MLLT3: variants seen among roughly 807,000 people sequenced by gnomAD.
MLLT3 encodes MLLT3 super elongation complex subunit.
MLLT3 carries 4 observed loss-of-function variants against 53.2 expected under a neutral mutation model. That is an observed-to-expected ratio of 0.08 (90% CI 0.04 to 0.17). The LOEUF (loss-of-function observed/expected upper bound fraction) is 0.17. MLLT3 is among the 10% of genes least tolerant of loss of function. MLLT3 has a pLI of 1.00. For missense variants in MLLT3, 569 were observed against 684.0 expected (o/e 0.83, Z 1.87); for synonymous variants, 283 against 230.6 (o/e 1.23, Z -2.06).
chr9:20,531,229 A>G (rs1254177237), intron 2 of MLLT3, among the ~76,000 whole-genome samples: 1 of 148,922 alleles, frequency 6.7e-6, no homozygotes, highest in Admixed American at 6.7e-5. Context: ...TCTACCTTCC[A>G]GGTTCAAGTG....
At chr9:20,516,384 TTAATC>T (rs1275605284) in intron 2 of MLLT3, among the ~76,000 whole-genome samples, 1 of 152,194 alleles carries the variant, frequency 6.6e-6, no homozygotes, top group East Asian at 1.9e-4. Flanking sequence ...TAAATTACAG[TTAATC>T]ACAGAGCTAG....
At chr9:20,547,174 G>C (rs1435737207) in intron 2 of MLLT3, among the ~76,000 whole-genome samples, 1 of 151,950 alleles carries the variant, frequency 6.6e-6, no homozygotes. Flanking sequence ...TAAAAATTGA[G>C]ATATGTTATA....
At chr9:20,362,710 T>TTTA (rs1046201893) in intron 7 of MLLT3, 7 of 147,866 alleles carry the variant, frequency 4.7e-5, no homozygotes, top group African/African-American at 1.8e-4. Flanking sequence ...AGACCGCTTT[T>TTTA]TTTTTTTTTT....
At chr9:20,349,571 A>T (rs1185580873) in intron 10 of MLLT3, among the ~76,000 whole-genome samples, 3 of 152,224 alleles carry the variant, frequency 2.0e-5, no homozygotes, top group Non-Finnish European at 4.4e-5. Flanking sequence ...TTAAGAAAAC[A>T]GTTTTCCACG....
intron 3 of MLLT3, among the ~76,000 whole-genome samples, chr9:20,452,971 T>C (rs905775246): frequency 6.6e-6 from 1 of 152,190 alleles, no homozygotes; most frequent in African/African-American, 2.4e-5. Flanking sequence ...TAAGGTATTG[T>C]ACACTTAATA....
At chr9:20,407,266 TGCAAAA>T (rs1308675276) in intron 5 of MLLT3, among the ~76,000 whole-genome samples, 4 of 152,340 alleles carry the variant, frequency 2.6e-5, no homozygotes, top group Non-Finnish European at 1.5e-5. Context: ...TAAATTCTCT[TGCAAAA>T]GCACATGGGA....
intron 2 of MLLT3, among the ~76,000 whole-genome samples, chr9:20,611,520 T>C (rs1008759324): frequency 6.6e-6 from 1 of 152,108 alleles, no homozygotes; most frequent in African/African-American, 2.4e-5. Context: ...AAATCAAATA[T>C]TTTAAAATAG....
At chr9:20,609,917 G>A (rs1170005382) in intron 2 of MLLT3, among the ~76,000 whole-genome samples, 2 of 152,016 alleles carry the variant, frequency 1.3e-5, no homozygotes, top group Non-Finnish European at 2.9e-5. Context: ...TACTTAGGAA[G>A]AGTCAGAAAT....
intron 7 of MLLT3, chr9:20,362,652 G>C (rs1020110051): frequency 2.7e-5 from 4 of 149,386 alleles, no homozygotes; most frequent in Non-Finnish European, 5.9e-5. Flanking sequence ...CTTTTCAGAG[G>C]ACAAAGCATT....
chr9:20,578,153 T>C lies in MLLT3; in HGVS notation c.193+42501A>G, dbSNP rs534033033. Among the ~76,000 whole-genome samples, 6 of 152,220 alleles carry C rather than the reference T, an allele frequency of 3.9e-5. No individual in the cohort carries two copies. The Middle Eastern group carries it at 0.01, about 259-fold the overall frequency. On this transcript the variant is annotated intron_variant, in intron 2 of 10. Coordinates refer to ENST00000380338, the MANE Select transcript of MLLT3 (RefSeq NM_004529.4). ...CATGATAGAAGAGATAGACAACAATTTGGAGGATCTGTACTACAGTCAGCT... is the reference window on the plus strand; with the variant it reads ...CATGATAGAAGAGATAGACAACAATCTGGAGGATCTGTACTACAGTCAGCT...
intron 2 of MLLT3, among the ~76,000 whole-genome samples, chr9:20,530,595 G>A (rs952664173): frequency 1.3e-5 from 2 of 152,146 alleles, no homozygotes; most frequent in African/African-American, 4.8e-5. Context: ...TTGTTCTCTG[G>A]TAAATACATG....
At chr9:20,467,651 G>C (rs990941646) in intron 2 of MLLT3, among the ~76,000 whole-genome samples, 1 of 152,140 alleles carries the variant, frequency 6.6e-6, no homozygotes, top group African/African-American at 2.4e-5. Flanking sequence ...ATAAAAAATC[G>C]CTATTTTGAG....
chr9:20,357,096 A>G (rs1821188959), intron 8 of MLLT3, among the ~76,000 whole-genome samples: 1 of 152,204 alleles, frequency 6.6e-6, no homozygotes, highest in African/African-American at 2.4e-5. Flanking sequence ...AAAGTACAAC[A>G]CCTTGTCTTC....
At position 20,440,976 on chromosome 9, in the gene MLLT3, G is replaced by C. The variant is rs61562320; in HGVS notation, c.420+7147C>G. ...ATACAGTCAGCTAAACTGCTACTTC[G>C]GGGAGGTCTGCAGAAAGAAATGGGG... is the stretch of plus-strand genomic sequence containing the variant. On this transcript the variant is annotated intron_variant, in intron 4 of 10. Coordinates refer to ENST00000380338, the MANE Select transcript of MLLT3 (RefSeq NM_004529.4). Among the ~76,000 whole-genome samples the C allele has an allele frequency of 1.3e-3, 191 of 152,222 alleles. 2 individuals are homozygous for C. The East Asian group carries it at 0.028, about 22-fold the overall frequency.
chr9:20,498,740 AC>A (rs1308681650), intron 2 of MLLT3, among the ~76,000 whole-genome samples: 3 of 152,190 alleles, frequency 2.0e-5, no homozygotes, highest in African/African-American at 7.2e-5. Flanking sequence ...AAGATTGGAC[AC>A]CCCTGATCTG....
chr9:20,363,377 G>C, intron 7 of MLLT3, 99 bp downstream of exon 7: 2 of 1,447,822 alleles, frequency 1.4e-6, no homozygotes, highest in Non-Finnish European at 1.9e-6. Flanking sequence ...ATCTACTGCC[G>C]TTTTTGGTGT....
At chr9:20,509,677 T>C (rs1223246165) in intron 2 of MLLT3, among the ~76,000 whole-genome samples, 1 of 152,250 alleles carries the variant, frequency 6.6e-6, no homozygotes. Flanking sequence ...AAGTCACTGC[T>C]GTAACGTACA....
chr9:20,513,679 T>C (rs1251912695), intron 2 of MLLT3, among the ~76,000 whole-genome samples: 1 of 152,150 alleles, frequency 6.6e-6, no homozygotes, highest in East Asian at 1.9e-4. Context: ...TCAAGTAGGC[T>C]GTATCTGTAT....
intron 2 of MLLT3, among the ~76,000 whole-genome samples, chr9:20,570,787 C>G (rs1819513476): frequency 6.9e-6 from 1 of 144,642 alleles, no homozygotes; most frequent in African/African-American, 2.9e-5. Flanking sequence ...AAATAAGAAA[C>G]CTATAGGTCT....
Sources: allele counts gnomAD v4.1 joint callset (sites outside exome capture counted in the v4.1 genomes callset), GRCh38; gene constraint gnomAD v4.1.1; transcripts MANE v1.5; gene names NCBI Gene and HGNC (gene_info 2026-07-23, HGNC 2026-07-21).